Variants in RALYL observed in about 807,000 individuals in gnomAD.
The protein encoded by RALYL is RALY RNA binding protein like.
RALYL carries 29 observed loss-of-function variants against 35.1 expected under a neutral mutation model. That is an observed-to-expected ratio of 0.83 (90% CI 0.61 to 1.13). RALYL has a LOEUF of 1.13. Ranked by LOEUF, RALYL falls within the 50% of genes most tolerant of loss-of-function variation. The pLI is 0.00. For missense variants in RALYL, 359 were observed against 360.4 expected, an observed-to-expected ratio of 1.00 and a Z score of 0.03; for synonymous variants, 120 against 127.6, an observed-to-expected ratio of 0.94 and a Z score of 0.40.
At chr8:84,731,271 C>T (rs1846128653) in intron 2 of RALYL, among the ~76,000 whole-genome samples, 1 of 152,102 alleles carries the variant, frequency 6.6e-6, no homozygotes, top group African/African-American at 2.4e-5. Flanking sequence ...CAGCAAAACT[C>T]ATGTTCATTT....
chr8:84,339,097 AAT>A (rs1203087292), intron 1 of RALYL, among the ~76,000 whole-genome samples: 5 of 152,076 alleles, frequency 3.3e-5, no homozygotes, highest in African/African-American at 9.7e-5. Context: ...GATTGGGGTC[AAT>A]GTTCTCAGTC....
chr8:84,667,633 G>C (rs116718115), intron 2 of RALYL, among the ~76,000 whole-genome samples: 2,176 of 152,114 alleles, frequency 0.014, 62 homozygotes, highest in African/African-American at 0.049. Context: ...AATCTCCTCA[G>C]TCCATTACAT....
At chr8:84,717,422 G>A (rs1433908393) in intron 2 of RALYL, among the ~76,000 whole-genome samples, 2 of 152,096 alleles carry the variant, frequency 1.3e-5, no homozygotes, top group Admixed American at 1.3e-4. Flanking sequence ...ACTACTGGCA[G>A]CAATTAATCA....
chr8:84,913,040 G>GTAGGTAGATAGATAGATAGATAGA (rs372305617), intron 8 of RALYL, among the ~76,000 whole-genome samples: 227 of 130,118 alleles, frequency 1.7e-3, no homozygotes, highest in Non-Finnish European at 1.7e-3. Context: ...GGATAGGTAG[G>GTAGGTAGATAGATAGATAGATAGA]TAGATAGATA....
intron 1 of RALYL, among the ~76,000 whole-genome samples, chr8:84,327,421 G>C (rs952917455): frequency 2.0e-5 from 3 of 152,104 alleles, no homozygotes; most frequent in Admixed American, 2.0e-4. Context: ...GGTCTATAGA[G>C]GCAGCTTGTG....
chr8:84,770,183 T>G (rs1815087117), intron 2 of RALYL, among the ~76,000 whole-genome samples: 1 of 152,156 alleles, frequency 6.6e-6, no homozygotes, highest in Non-Finnish European at 1.5e-5. Flanking sequence ...TTTAGTCTTT[T>G]ACCCTTCACC....
intron 8 of RALYL, among the ~76,000 whole-genome samples, chr8:84,917,999 A>T (rs1157423400): frequency 6.6e-6 from 1 of 152,096 alleles, no homozygotes; most frequent in Non-Finnish European, 1.5e-5. Context: ...CTCAAGAAAC[A>T]TGATCCATAG....
rs1270555540 is a variant in RALYL, at chr8:84,424,908, C to G, written c.-23-104391C>G. On this transcript the variant is annotated intron_variant, in intron 1 of 8. Transcript: ENST00000521268. ...CACTTGAGGAGGCAGTCTGCAGGTT[C>G]TCAGATCTCCAGCTGTGTGCTGGGA... Among the ~76,000 whole-genome samples the G allele has an allele frequency of 2.0e-5, 3 of 151,776 alleles. No homozygotes were observed. In the South Asian group the frequency reaches 6.2e-4, roughly 31 times the overall value.
intron 4 of RALYL, among the ~76,000 whole-genome samples, chr8:84,821,080 G>A (rs1215605977): frequency 6.6e-6 from 1 of 152,150 alleles, no homozygotes; most frequent in Non-Finnish European, 1.5e-5. Context: ...CTTACTTGAA[G>A]AGAACTCATT....
chr8:84,681,469 C>T (rs888625036), intron 2 of RALYL, among the ~76,000 whole-genome samples: 1 of 138,966 alleles, frequency 7.2e-6, no homozygotes, highest in South Asian at 2.2e-4. Context: ...GTATTCCTAT[C>T]CATGAGCATG....
intron 1 of RALYL, among the ~76,000 whole-genome samples, chr8:84,408,391 C>T (rs1363977910): frequency 6.6e-6 from 1 of 152,132 alleles, no homozygotes; most frequent in Non-Finnish European, 1.5e-5. Context: ...ATATGCCATA[C>T]AAAGACAAAT....
chr8:84,425,783 C>CTGTGTGTGTGTG (rs1554662152), intron 1 of RALYL, among the ~76,000 whole-genome samples: 28 of 144,594 alleles, frequency 1.9e-4, no homozygotes, highest in African/African-American at 6.7e-4. Flanking sequence ...AGTTTTTCTT[C>CTGTGTGTGTGTG]TGTGTGTGTG....
At chr8:84,732,683 T>TATATATATACACACACAC in intron 2 of RALYL, among the ~76,000 whole-genome samples, 2 of 133,234 alleles carry the variant, frequency 1.5e-5, no homozygotes, top group Non-Finnish European at 1.6e-5. Flanking sequence ...TATATATATA[T>TATATATATACACACACAC]ACACACACAC....
intron 6 of RALYL, among the ~76,000 whole-genome samples, chr8:84,868,173 T>C (rs1340412438): frequency 1.3e-5 from 2 of 152,162 alleles, no homozygotes; most frequent in African/African-American, 4.8e-5. Context: ...ACTTGAATTG[T>C]TGCCTATTGG....
At chr8:84,321,042 A>T (rs1048611681) in intron 1 of RALYL, among the ~76,000 whole-genome samples, 2 of 152,206 alleles carry the variant, frequency 1.3e-5, no homozygotes, top group East Asian at 3.9e-4. Context: ...GTTAGGGGAG[A>T]CTTCTATTTG....
intron 2 of RALYL, among the ~76,000 whole-genome samples, chr8:84,538,099 C>T (rs1402062675): frequency 6.6e-6 from 1 of 152,152 alleles, no homozygotes; most frequent in Non-Finnish European, 1.5e-5. Context: ...TAGCAAGCCT[C>T]CACGATAGAG....
At chr8:84,457,075 C>A (rs921975704) in intron 1 of RALYL, among the ~76,000 whole-genome samples, 12 of 151,810 alleles carry the variant, frequency 7.9e-5, no homozygotes, top group Non-Finnish European at 1.3e-4. Flanking sequence ...CTAATTTTTT[C>A]CCCCTTTTCA....
At chr8:84,804,546 C>T (rs1824136312) in intron 3 of RALYL, among the ~76,000 whole-genome samples, 1 of 152,060 alleles carries the variant, frequency 6.6e-6, no homozygotes, top group Non-Finnish European at 1.5e-5. Flanking sequence ...AATGTTATGT[C>T]CTCATTCCAA....
chr8:84,796,059 T>C (rs888994927), intron 3 of RALYL, among the ~76,000 whole-genome samples: 3 of 152,186 alleles, frequency 2.0e-5, no homozygotes, highest in Non-Finnish European at 4.4e-5. Context: ...GAGAGTCCAC[T>C]GTGAGTACAT....
Sources: allele counts gnomAD v4.1 joint callset (sites outside exome capture counted in the v4.1 genomes callset), GRCh38; gene constraint gnomAD v4.1.1; transcripts MANE v1.5; gene names NCBI Gene and HGNC (gene_info 2026-07-23, HGNC 2026-07-21).